Variants in SEPTIN9 observed in about 807,000 individuals in gnomAD.
SEPTIN9 encodes the protein septin-9.
Under a neutral mutation model 56.6 loss-of-function variants are expected in SEPTIN9, and 13 were observed. That is an observed-to-expected ratio of 0.23 (90% CI 0.15 to 0.37). The LOEUF is 0.37. Among genes scored for constraint, SEPTIN9 ranks in the 10% least tolerant of loss-of-function variants. SEPTIN9 has a pLI of 1.00. For synonymous variants in SEPTIN9, 332 were observed against 334.1 expected (o/e 0.99, Z 0.07); for missense variants, 650 against 823.1 (o/e 0.79, Z 2.57).
rs1479695806 is a variant in SEPTIN9, at chr17:77,363,174, G to A, written c.77-38885G>A. ...CACATGGTCATCCCACCAACAGCCG[G>A]GAGTCCAGCTTGGGGGGACCCAAGA... On this transcript the variant is annotated intron_variant, in intron 2 of 11. Coordinates refer to ENST00000427177, the MANE Select transcript of SEPTIN9 (RefSeq NM_001113491.2). Among the ~76,000 whole-genome samples, 4 of 152,210 alleles carry A rather than the reference G, an allele frequency of 2.6e-5. No homozygotes were observed. The South Asian group carries it at 6.2e-4, about 24-fold the overall frequency.
chr17:77,298,045 G>A (rs1226562325), intron 1 of SEPTIN9, among the ~76,000 whole-genome samples: 1 of 152,178 alleles, frequency 6.6e-6, no homozygotes, highest in African/African-American at 2.4e-5. Context: ...GGAGACGCAG[G>A]TCAAAGAGGA....
rs1227725320 is a variant in SEPTIN9 at position 77,484,462 on chromosome 17, TGTG to T, written c.913+2140_913+2142del. On this transcript the variant is annotated intron_variant, in intron 4 of 11. Coordinates refer to ENST00000427177, the MANE Select transcript of SEPTIN9 (RefSeq NM_001113491.2). Reference sequence around the variant, plus strand: ...TGGTGGTGATGGTGGTGGTGGTGATTGTGGTGGTGGTGGTGATGATGGTGGTGA... The same window carrying T: ...TGGTGGTGATGGTGGTGGTGGTGATTGTGGTGGTGGTGATGATGGTGGTGA... Among the ~76,000 whole-genome samples the T allele has an allele frequency of 8.7e-3, 979 of 112,030 alleles. 17 individuals carry two copies. The highest frequency in any genetic ancestry group is 0.011 in the African/African-American group (294 of 27,216). The allele number at this position is 112,030 out of a possible 152,430, so 73.5% of individuals were successfully genotyped here. A position where few individuals can be genotyped will look rare whatever the true frequency, so the allele number is the denominator to read the frequency against.
chr17:77,354,434 A>G (rs1339321451), intron 2 of SEPTIN9, among the ~76,000 whole-genome samples: 2 of 152,134 alleles, frequency 1.3e-5, no homozygotes, highest in Non-Finnish European at 2.9e-5. Context: ...GCACCAAGGA[A>G]GCTTCTAGCA....
At chr17:77,430,359 C>T (rs528238207) in intron 3 of SEPTIN9, among the ~76,000 whole-genome samples, 25 of 152,176 alleles carry the variant, frequency 1.6e-4, no homozygotes, top group Non-Finnish European at 2.1e-4. Flanking sequence ...TCCCTCCCTC[C>T]TAACATTTTT....
intron 3 of SEPTIN9, among the ~76,000 whole-genome samples, chr17:77,423,722 C>A (rs1424326455): frequency 6.6e-6 from 1 of 152,228 alleles, no homozygotes; most frequent in African/African-American, 2.4e-5. Context: ...GGAAGCCTTT[C>A]CAGGGAGCCA....
intron 1 of SEPTIN9, among the ~76,000 whole-genome samples, chr17:77,283,768 C>T (rs567486098): frequency 1.6e-4 from 24 of 152,300 alleles, no homozygotes; most frequent in African/African-American, 5.1e-4. Context: ...TGTGTTGGGG[C>T]AATCTCAAGT....
chr17:77,368,521 A>G (rs982597850), intron 2 of SEPTIN9, among the ~76,000 whole-genome samples: 2 of 152,150 alleles, frequency 1.3e-5, no homozygotes, highest in South Asian at 2.1e-4. Context: ...CATGTTGGCC[A>G]GGCTGGTCTT....
rs1194698670 is a variant in SEPTIN9 at position 77,484,501 on chromosome 17, T to A, written c.913+2166T>A. On this transcript the variant is annotated intron_variant, in intron 4 of 11. Coordinates refer to ENST00000427177, the MANE Select transcript of SEPTIN9 (RefSeq NM_001113491.2). ...TGATGATGGTGGTGATGATGGTGAT[T>A]GTGGTGATGGTGATGGTGGTAATTG... Among the ~76,000 whole-genome samples, 18 of 59,660 alleles carry A rather than the reference T, an allele frequency of 3.0e-4. 1 individual carries two copies. The highest frequency in any genetic ancestry group is 1.8e-3 in the African/African-American group (18 of 10,128). The allele number at this position is 59,660 out of a possible 152,430, so 39.1% of individuals were successfully genotyped here. A position where few individuals can be genotyped will look rare whatever the true frequency, so the allele number is the denominator to read the frequency against.
chr17:77,301,204 T>G (rs1286775047), intron 1 of SEPTIN9, among the ~76,000 whole-genome samples: 1 of 152,052 alleles, frequency 6.6e-6, no homozygotes, highest in Non-Finnish European at 1.5e-5. Context: ...CCAGGGGCTA[T>G]CTCAAGAGCT....
intron 8 of SEPTIN9, among the ~76,000 whole-genome samples, chr17:77,491,752 G>A (rs1033976221): frequency 6.9e-6 from 1 of 144,686 alleles, no homozygotes; most frequent in Non-Finnish European, 1.5e-5. Flanking sequence ...GCTTCAGTGA[G>A]CCGAGATTGA....
Position 77,475,565 on chromosome 17 carries a change from C to T in SEPTIN9, c.722-6579C>T, listed in dbSNP as rs773479194. 5.6e-6 allele frequency: 9 copies of T among 1,613,092 alleles called. No homozygotes were observed. The highest frequency in any genetic ancestry group is 2.7e-5 in the African/African-American group (2 of 74,914). On this transcript the variant is annotated intron_variant, in intron 3 of 11. Coordinates refer to ENST00000427177, the MANE Select transcript of SEPTIN9 (RefSeq NM_001113491.2). The surrounding 1 kb of genome is among the most constrained non-coding windows in gnomAD (Gnocchi z 4.6). Reference sequence around the variant, plus strand: ...GGCCTGCAGGTGGCCGTAGGGCTGCCGCAGGGGTGCTGGCCCCAGGGTCTG... The same window carrying T: ...GGCCTGCAGGTGGCCGTAGGGCTGCTGCAGGGGTGCTGGCCCCAGGGTCTG...
At chr17:77,494,595 A>G (rs1331630129) in intron 10 of SEPTIN9, among the ~76,000 whole-genome samples, 1 of 152,204 alleles carries the variant, frequency 6.6e-6, no homozygotes, top group Non-Finnish European at 1.5e-5. Flanking sequence ...AAATGGTCAT[A>G]ATGACAATTA....
chr17:77,434,165 T>A lies in SEPTIN9; in HGVS notation c.721+31462T>A, dbSNP rs1253115896. Among the ~76,000 whole-genome samples, 2 of 152,156 alleles carry A rather than the reference T, an allele frequency of 1.3e-5. No homozygotes were observed. The highest frequency in any genetic ancestry group is 2.4e-5 in the African/African-American group (1 of 41,428). On this transcript the variant is annotated intron_variant, in intron 3 of 11. Coordinates refer to ENST00000427177, the MANE Select transcript of SEPTIN9 (RefSeq NM_001113491.2). The surrounding 1 kb of genome is among the most constrained non-coding windows in gnomAD (Gnocchi z 5.0). Reference sequence around the variant, plus strand: ...GGGAGAGGCAGGGCCCCTTCCCCTTTAATCTGGGCAACCTTGCTTTGGCCT... The same window carrying A: ...GGGAGAGGCAGGGCCCCTTCCCCTTAAATCTGGGCAACCTTGCTTTGGCCT...
intron 2 of SEPTIN9, chr17:77,320,289 C>G (rs767719373): frequency 6.2e-7 from 1 of 1,611,922 alleles, no homozygotes. Flanking sequence ...CTGAGCGGGA[C>G]GCCGGGACTC....
At chr17:77,401,198 C>T (rs1598314070) in intron 2 of SEPTIN9, among the ~76,000 whole-genome samples, 1 of 152,188 alleles carries the variant, frequency 6.6e-6, no homozygotes, top group African/African-American at 2.4e-5. Flanking sequence ...TTCTTTACAT[C>T]CCAGGGTTAA....
chr17:77,428,090 C>T (rs546370879), intron 3 of SEPTIN9, among the ~76,000 whole-genome samples: 68 of 152,346 alleles, frequency 4.5e-4, no homozygotes, highest in African/African-American at 5.5e-4. Context: ...CACAGCAACC[C>T]GGGAGGCACA....
At position 77,323,657 on chromosome 17, in the gene SEPTIN9, C is replaced by T. The variant is rs2033023810; in HGVS notation, c.76+16460C>T. On this transcript the variant is annotated intron_variant, in intron 2 of 11. Coordinates refer to ENST00000427177, the MANE Select transcript of SEPTIN9 (RefSeq NM_001113491.2). The surrounding 1 kb of genome is among the most constrained non-coding windows in gnomAD (Gnocchi z 6.8). The stretch of plus-strand genomic sequence containing the variant: ...GTCATCAGTGGGCGGGGAACCGAGG[C>T]CTCCTGGAGGGCGGTGCCTCAGCCC... The T allele has an allele frequency of 6.6e-6, 1 of 152,602 alleles. No individual in the cohort carries two copies. 9.5% of individuals were successfully genotyped at this position (152,602 alleles called of 1,614,324 possible).
chr17:77,488,681 G>A (rs374853037), intron 6 of SEPTIN9, 46 bp from the exon 7 acceptor site: 1 of 1,611,620 alleles, frequency 6.2e-7, no homozygotes, highest in African/African-American at 1.3e-5. Context: ...CCTGCTTGGG[G>A]AGGGCATCTC....
Position 77,402,110 on chromosome 17 carries a change from C to T in SEPTIN9, c.128C>T (p.Pro43Leu). The T allele has an allele frequency of 6.8e-6, 11 of 1,613,962 alleles. No homozygotes were observed. Among genetic ancestry groups the T allele is most frequent in the East Asian group, 2.2e-5 (1 of 44,880 alleles). ...GAGGTCGAGACACCCAACTCCACCC[C>T]ACCCCGGAGGGTCCAGACTCCCCTA... The part of the protein sequence containing the change: ...VEEVETPNST[P>L]PRRVQTPLLR... Residue 43 changes from proline (P) to leucine (L), a missense_variant, in exon 3 of 12, where the codon CCA (proline) becomes CTA (leucine). Pro to Leu is a moderately conservative substitution (Grantham distance 98). Coordinates refer to ENST00000427177, the MANE Select transcript of SEPTIN9 (RefSeq NM_001113491.2). This position sits in a 1 kb window ranked among gnomAD's most constrained non-coding sequence, Gnocchi z 6.6.
Sources: gnomAD v4.1 joint callset for allele counts (sites outside exome capture counted in the v4.1 genomes callset) on GRCh38, gnomAD v4.1.1 for gene constraint, Gnocchi (gnomAD v3.1) non-coding constraint, MANE v1.5 for transcripts, NCBI Gene and HGNC (gene_info 2026-07-23, HGNC 2026-07-21) for gene names.